The following SLC39A11 variants were observed in gnomAD, a reference collection of about 807,000 sequenced individuals.
SLC39A11 encodes solute carrier family 39 member 11, also known as zinc transporter ZIP11.
In SLC39A11, 33 loss-of-function variants were observed where a neutral mutation model predicts 36.1. The observed-to-expected ratio is 0.91, with a 90% CI of 0.69 to 1.22. The LOEUF (loss-of-function observed/expected upper bound fraction) is 1.22. SLC39A11 is among the 50% of genes most tolerant of loss of function. The pLI, the probability that SLC39A11 is intolerant of heterozygous loss-of-function variation, is 0.00. For synonymous variants in SLC39A11, 166 were observed against 170.3 expected (o/e 0.97, Z 0.20); for missense variants, 432 against 430.3 (o/e 1.00, Z -0.03).
intron 6 of SLC39A11, among the ~76,000 whole-genome samples, chr17:72,840,136 A>T (rs1472004391): frequency 1.1e-4 from 17 of 151,440 alleles, no homozygotes; most frequent in Admixed American, 1.1e-3. Context: ...GAAACAAAAA[A>T]TCACTTTGGA....
intron 5 of SLC39A11, among the ~76,000 whole-genome samples, chr17:72,880,819 C>G (rs1396519035): frequency 6.9e-6 from 1 of 145,076 alleles, no homozygotes; most frequent in Non-Finnish European, 1.5e-5. Flanking sequence ...GTAGCTGGGA[C>G]TACAGGCGCC....
intron 3 of SLC39A11, among the ~76,000 whole-genome samples, chr17:73,043,278 C>A (rs1489153240): frequency 6.6e-6 from 1 of 152,104 alleles, no homozygotes; most frequent in Non-Finnish European, 1.5e-5. Context: ...GTGGAGTCCA[C>A]AAGGCGAAAG....
At chr17:72,907,971 G>A (rs2082749984) in intron 5 of SLC39A11, among the ~76,000 whole-genome samples, 1 of 152,226 alleles carries the variant, frequency 6.6e-6, no homozygotes, top group Non-Finnish European at 1.5e-5. Context: ...GGGCACAGAG[G>A]AGAGGACAGA....
chr17:73,017,224 T>C (rs2058197657), intron 4 of SLC39A11, among the ~76,000 whole-genome samples: 2 of 152,170 alleles, frequency 1.3e-5, no homozygotes, highest in African/African-American at 4.8e-5. Context: ...ATAAGTAAAA[T>C]ACTATGAAGT....
intron 6 of SLC39A11, among the ~76,000 whole-genome samples, chr17:72,840,882 C>T (rs554123537): frequency 9.2e-5 from 14 of 151,866 alleles, no homozygotes; most frequent in East Asian, 5.8e-4. Flanking sequence ...GGTGAAACCC[C>T]GTCTCTACTA....
intron 4 of SLC39A11, among the ~76,000 whole-genome samples, chr17:72,970,078 T>C (rs769954734): frequency 3.3e-5 from 5 of 152,234 alleles, no homozygotes; most frequent in Non-Finnish European, 5.9e-5. Flanking sequence ...AAAAAAATGT[T>C]AATAGTCCCC....
chr17:72,861,778 A>ATC (rs1567842847), intron 5 of SLC39A11, among the ~76,000 whole-genome samples: 2 of 94,706 alleles, frequency 2.1e-5, no homozygotes, highest in African/African-American at 8.9e-5. Flanking sequence ...ATATATATAT[A>ATC]TATATCCAAT....
intron 5 of SLC39A11, among the ~76,000 whole-genome samples, chr17:72,907,425 G>A (rs2082713831): frequency 6.6e-6 from 1 of 152,178 alleles, no homozygotes; most frequent in African/African-American, 2.4e-5. Context: ...AGGAGGCGGA[G>A]ATTGCAGTGA....
intron 4 of SLC39A11, among the ~76,000 whole-genome samples, chr17:73,012,212 G>A (rs1304527558): frequency 3.3e-5 from 5 of 151,912 alleles, no homozygotes; most frequent in Non-Finnish European, 7.4e-5. Context: ...GGAAGCAGAC[G>A]TTGCAGTGAG....
In SLC39A11 at chr17:72,649,390, G is replaced by A. The variant is rs1003193453; in HGVS notation, c.672-122C>T. Reference sequence around the variant, plus strand: ...GAAGCCAGGAGGAGACCTGTGACCTGCAGTAGGAGAGGAAGGAGAAAGGTC... The same window carrying A: ...GAAGCCAGGAGGAGACCTGTGACCTACAGTAGGAGAGGAAGGAGAAAGGTC... On this transcript the variant is annotated intron_variant, in intron 7 of 9. Transcript: ENST00000255559. 2.6e-5 allele frequency: 19 copies of A among 742,132 alleles called. No homozygotes were observed. The East Asian group carries it at 4.6e-4, about 18-fold the overall frequency. 46.0% of individuals were successfully genotyped at this position (742,132 alleles called of 1,614,324 possible).
At chr17:72,998,561 C>A (rs1408031102) in intron 4 of SLC39A11, among the ~76,000 whole-genome samples, 2 of 152,042 alleles carry the variant, frequency 1.3e-5, no homozygotes, top group African/African-American at 2.4e-5. Flanking sequence ...AAAGTTGGCA[C>A]TAAATGAATC....
chr17:72,904,462 C>T (rs1206508904), intron 5 of SLC39A11, among the ~76,000 whole-genome samples: 1 of 151,978 alleles, frequency 6.6e-6, no homozygotes, highest in Non-Finnish European at 1.5e-5. Flanking sequence ...CAAATCCTAT[C>T]AGCTTCACTC....
At chr17:72,704,616 C>T (rs1453541507) in intron 7 of SLC39A11, among the ~76,000 whole-genome samples, 1 of 152,174 alleles carries the variant, frequency 6.6e-6, no homozygotes, top group African/African-American at 2.4e-5. Context: ...GCCAAAGCGC[C>T]ATCTGTGTGC....
intron 3 of SLC39A11, among the ~76,000 whole-genome samples, chr17:73,044,878 GAA>G (rs11298701): frequency 5.0e-4 from 60 of 119,026 alleles, no homozygotes; most frequent in East Asian, 7.0e-4. Context: ...CTCTGTCTCA[GAA>G]AAAAAAAAAA....
At chr17:72,900,654 A>G (rs1324758951) in intron 5 of SLC39A11, among the ~76,000 whole-genome samples, 7 of 149,402 alleles carry the variant, frequency 4.7e-5, no homozygotes, top group Non-Finnish European at 1.0e-4. Flanking sequence ...GGGATTTGTG[A>G]GGGGGGCAGG....
At chr17:72,891,321 T>G (rs1436124988) in intron 5 of SLC39A11, among the ~76,000 whole-genome samples, 5 of 152,190 alleles carry the variant, frequency 3.3e-5, no homozygotes, top group African/African-American at 7.2e-5. Context: ...CTCAGGAGGC[T>G]GAGGCACGAG....
intron 7 of SLC39A11, among the ~76,000 whole-genome samples, chr17:72,672,161 G>A (rs12051604): frequency 0.21 from 32,144 of 152,106 alleles, 3,535 homozygotes; most frequent in South Asian, 0.32. Context: ...ACAAAATCAT[G>A]TTTTCAGGCT....
intron 6 of SLC39A11, among the ~76,000 whole-genome samples, chr17:72,748,962 T>C (rs935241929): frequency 3.9e-4 from 59 of 152,344 alleles, no homozygotes; most frequent in African/African-American, 1.3e-3. Flanking sequence ...TCCGGGCCTC[T>C]TTCTGCCGAG....
chr17:73,049,022 C>G (rs2059410882), intron 3 of SLC39A11, among the ~76,000 whole-genome samples: 1 of 152,152 alleles, frequency 6.6e-6, no homozygotes, highest in South Asian at 2.1e-4. Context: ...AGGGGTCCCT[C>G]GGCGATGCTG....
Sources: allele counts gnomAD v4.1 joint callset (sites outside exome capture counted in the v4.1 genomes callset), GRCh38; gene constraint gnomAD v4.1.1; transcripts MANE v1.5; gene names NCBI Gene and HGNC (gene_info 2026-07-23, HGNC 2026-07-21).